PTPN13: variants seen among roughly 807,000 people sequenced by gnomAD.
PTPN13 encodes the protein protein tyrosine phosphatase non-receptor type 13, also known as tyrosine-protein phosphatase non-receptor type 13.
PTPN13 carries 191 observed loss-of-function variants against 284.0 expected under a neutral mutation model. The observed-to-expected ratio is 0.67, with a 90% CI of 0.60 to 0.76. The LOEUF is 0.76. Among genes scored for constraint, PTPN13 ranks in the 30% least tolerant of loss-of-function variants. The probability of loss-of-function intolerance (pLI) is 0.00; values close to 1 mark genes in which losing one functional copy is unlikely to be tolerated. For missense variants in PTPN13, 2,797 were observed against 2,939.9 expected (o/e 0.95, Z 1.12); for synonymous variants, 986 against 1,022.3 (o/e 0.96, Z 0.68).
In PTPN13 at chr4:86,771,506, A is replaced by C. The variant is rs1334609988; in HGVS notation, c.5139A>C (p.Lys1713Asn). The part of the protein sequence containing the change: ...TICTMFYYPQ[K>N]IPNKPEFEDS... ...GTACCATGTTTTACTATCCTCAGAA[A>C]ATTCCCAATAAACCAGAGTTTGAGG... The change falls in exon 31 of 48, where the codon AAA (lysine) becomes AAC (asparagine). Residue 1713 changes from lysine to asparagine, a missense_variant. Coordinates refer to ENST00000411767, the MANE Select transcript of PTPN13 (RefSeq NM_080683.3). 6.4e-7 allele frequency: 1 copy of C among 1,570,234 alleles called. No homozygotes were observed. Among genetic ancestry groups the C allele is most frequent in the South Asian group, 1.2e-5 (1 of 85,678 alleles).
At chr4:86,809,392 A>G (rs1296356612) in intron 45 of PTPN13, among the ~76,000 whole-genome samples, 1 of 152,196 alleles carries the variant, frequency 6.6e-6, no homozygotes, top group East Asian at 1.9e-4. Context: ...TTGAAAGCAC[A>G]ATATAATATT....
chr4:86,803,898 C>T (rs746710902), intron 43 of PTPN13, 41 bp downstream of exon 43: 1 of 1,581,196 alleles, frequency 6.3e-7, no homozygotes, highest in Admixed American at 1.8e-5. Context: ...AAAGTGTATG[C>T]ATTTAGTTTG....
At position 86,635,388 on chromosome 4, in the gene PTPN13, G is replaced by A. The variant is rs938570478; in HGVS notation, c.115+17G>A. On this transcript the variant is annotated intron_variant, in intron 2 of 47. Coordinates refer to ENST00000411767, the MANE Select transcript of PTPN13 (RefSeq NM_080683.3). ...TCAGAAAAGGTAAGCTGCTGCTGCT[G>A]CTGCTGTTGTTGTTGTTGTTTCAGT... The A allele has an allele frequency of 3.2e-6, 5 of 1,572,740 alleles. No individual in the cohort carries two copies. In the African/African-American group the frequency reaches 5.4e-5, roughly 17 times the overall value.
intron 10 of PTPN13, among the ~76,000 whole-genome samples, chr4:86,727,872 GCTCTTGCTT>G (rs1734462899): frequency 6.7e-6 from 1 of 148,940 alleles, no homozygotes; most frequent in Non-Finnish European, 1.5e-5. Flanking sequence ...GAATTTGTTT[GCTCTTGCTT>G]CTCTAGTTCT....
intron 2 of PTPN13, among the ~76,000 whole-genome samples, chr4:86,638,655 T>C (rs1174008600): frequency 6.6e-6 from 1 of 152,184 alleles, no homozygotes; most frequent in Non-Finnish European, 1.5e-5. Flanking sequence ...GATCCCTTCC[T>C]TACACCTTAT....
In PTPN13 at chr4:86,638,628, G is replaced by A. The variant is rs560375537; in HGVS notation, c.115+3257G>A. On this transcript the variant is annotated intron_variant, in intron 2 of 47. Coordinates refer to ENST00000411767, the MANE Select transcript of PTPN13 (RefSeq NM_080683.3). ...TGCTGGGAAAACTGGCTAGCCATAT[G>A]TAGAAAGCTGAAACTGGATCCCTTC... Among the ~76,000 whole-genome samples, 5 of 152,306 alleles carry A rather than the reference G, an allele frequency of 3.3e-5. No individual in the cohort carries two copies. The East Asian group carries it at 7.7e-4, about 23-fold the overall frequency.
At chr4:86,775,721 A>G in intron 35 of PTPN13, 69 bp downstream of exon 35, 1 of 1,178,248 alleles carries the variant, frequency 8.5e-7, no homozygotes, top group Non-Finnish European at 1.2e-6. Context: ...ATTATACTTC[A>G]TTCTCTGAAA....
chr4:86,690,481 A>C (rs1267865436), intron 5 of PTPN13, among the ~76,000 whole-genome samples: 1 of 152,118 alleles, frequency 6.6e-6, no homozygotes, highest in East Asian at 1.9e-4. Flanking sequence ...AAGAATAGGC[A>C]TGTAAATAAA....
In PTPN13 at chr4:86,621,758, G is replaced by A. The variant is rs186119002; in HGVS notation, c.-5-13494G>A. On this transcript the variant is annotated intron_variant, in intron 1 of 47. Coordinates refer to ENST00000411767, the MANE Select transcript of PTPN13 (RefSeq NM_080683.3). ...GTTTGTCATAAGTAGTTGGGAACCC[G>A]TGTGTAGATAAGAATATGCATAAGA... 3.1e-3 allele frequency among the ~76,000 whole-genome samples: 468 copies of A among 152,118 alleles called. 5 individuals carry two copies. The highest frequency in any genetic ancestry group is 0.01 in the African/African-American group (432 of 41,514).
chr4:86,700,074 A>G (rs1210155473), intron 6 of PTPN13, among the ~76,000 whole-genome samples: 1 of 152,166 alleles, frequency 6.6e-6, no homozygotes, highest in Non-Finnish European at 1.5e-5. Flanking sequence ...CAATGTTTTA[A>G]TCTTATCCTT....
rs1745590383 is a variant in PTPN13, at chr4:86,814,516, G to A, written c.7423G>A (p.Glu2475Lys). The part of the protein sequence containing the change: ...LYVLTRLQAE[E>K]EQKQQPQLLK The stretch of plus-strand genomic sequence containing the variant: ...TGTCCTGACACGTCTTCAAGCAGAA[G>A]AAGAGCAAAAACAGCAGCCTCAGCT... The change falls in exon 48 of 48, where the codon GAA becomes AAA. Residue 2475 changes from glutamate to lysine, a missense_variant. Transcript: ENST00000411767. The A allele has an allele frequency of 6.2e-7, 1 of 1,612,806 alleles. No homozygotes were observed. Among genetic ancestry groups the A allele is most frequent in the South Asian group, 1.1e-5 (1 of 91,030 alleles).
intron 23 of PTPN13, among the ~76,000 whole-genome samples, chr4:86,760,350 A>G (rs1738535402): frequency 6.6e-6 from 1 of 152,218 alleles, no homozygotes; most frequent in Non-Finnish European, 1.5e-5. Context: ...GAAATTTTAC[A>G]TTGGGTCCCA....
rs148938057 is a variant in PTPN13 at position 86,705,753 on chromosome 4, A to C, written c.1195+3952A>C. Among the ~76,000 whole-genome samples, 16 of 151,962 alleles carry C rather than the reference A, an allele frequency of 1.1e-4. No individual in the cohort carries two copies. The East Asian group carries it at 2.7e-3, about 26-fold the overall frequency. ...CATAATGAGTTAAAGATAGAGTTTT[A>C]TTATTTTGGAGATTGTAGATTTTCA... On this transcript the variant is annotated intron_variant, in intron 7 of 47. Transcript: ENST00000411767.
chr4:86,681,568 T>C (rs923512739), intron 3 of PTPN13, among the ~76,000 whole-genome samples: 1 of 152,220 alleles, frequency 6.6e-6, no homozygotes, highest in Admixed American at 6.5e-5. Context: ...ATCTTGCCTC[T>C]GTCAGTTAAA....
chr4:86,702,924 TA>T (rs1205685610), intron 7 of PTPN13, among the ~76,000 whole-genome samples: 4 of 152,146 alleles, frequency 2.6e-5, no homozygotes, highest in Admixed American at 2.6e-4. Context: ...TCTAGTGTAA[TA>T]TTTTTTATTA....
intron 23 of PTPN13, among the ~76,000 whole-genome samples, chr4:86,761,055 T>C (rs1330076039): frequency 6.7e-6 from 1 of 149,886 alleles, no homozygotes; most frequent in Non-Finnish European, 1.5e-5. Context: ...GAAGTCCCCT[T>C]ACCCCATTTC....
intron 42 of PTPN13, among the ~76,000 whole-genome samples, chr4:86,800,747 G>T (rs1458941684): frequency 6.6e-6 from 1 of 152,028 alleles, no homozygotes; most frequent in Non-Finnish European, 1.5e-5. Context: ...AGGGAGGAAG[G>T]AAGTTAGTTT....
chr4:86,674,344 G>A (rs1728043512), intron 3 of PTPN13, among the ~76,000 whole-genome samples: 1 of 152,218 alleles, frequency 6.6e-6, no homozygotes, highest in Admixed American at 6.5e-5. Flanking sequence ...TTTCCTAATA[G>A]CAAAATTGTT....
chr4:86,761,890 T>C (rs1738738197), intron 23 of PTPN13, among the ~76,000 whole-genome samples: 1 of 152,230 alleles, frequency 6.6e-6, no homozygotes, highest in South Asian at 2.1e-4. Flanking sequence ...CATAAAACTT[T>C]TAATTTCATA....
Sources: gnomAD v4.1 joint callset for allele counts (sites outside exome capture counted in the v4.1 genomes callset) on GRCh38, gnomAD v4.1.1 for gene constraint, MANE v1.5 for transcripts, NCBI Gene and HGNC (gene_info 2026-07-23, HGNC 2026-07-21) for gene names.